Variants in JMY observed in about 807,000 individuals in gnomAD.
JMY encodes junction-mediating and -regulatory protein.
A neutral mutation model predicts 103.3 loss-of-function variants in JMY; 46 were observed. The ratio of observed to expected loss-of-function variants is 0.45; its 90% CI spans 0.35 to 0.57. JMY has a LOEUF of 0.57. Ranked by LOEUF, JMY falls within the 20% of genes least tolerant of loss-of-function variation. The pLI is 0.00. For missense variants in JMY, 1,238 were observed against 1,255.2 expected (o/e 0.99, Z 0.21); for synonymous variants, 526 against 489.3 (o/e 1.07, Z -0.99).
chr5:79,308,356 T>C (rs1746948877), intron 7 of JMY, among the ~76,000 whole-genome samples: 1 of 152,248 alleles, frequency 6.6e-6, no homozygotes, highest in South Asian at 2.1e-4. Context: ...TTGTGTTTTA[T>C]ATTTAAGTCT....
chr5:79,289,620 C>G (rs978382357), intron 2 of JMY, among the ~76,000 whole-genome samples: 2 of 152,120 alleles, frequency 1.3e-5, no homozygotes, highest in Non-Finnish European at 2.9e-5. Context: ...TGATTTTCAG[C>G]TATCTGAGCC....
chr5:79,242,375 C>T (rs1744766449), intron 1 of JMY, among the ~76,000 whole-genome samples: 1 of 152,140 alleles, frequency 6.6e-6, no homozygotes, highest in African/African-American at 2.4e-5. Context: ...TAACAAAGTG[C>T]CTGGCACTTA....
In JMY at chr5:79,279,200, A is replaced by G. The variant is rs139562072; in HGVS notation, c.1206+1117A>G. ...AATACAAAAATTAGCTGAGCATGGT[A>G]GTGCATGCCTGTAGTCCCAGCTACT... On this transcript the variant is annotated intron_variant, in intron 2 of 10. Coordinates refer to ENST00000396137, the MANE Select transcript of JMY (RefSeq NM_152405.5). Among the ~76,000 whole-genome samples, 824 of 152,184 alleles carry G rather than the reference A, an allele frequency of 5.4e-3. 10 individuals are homozygous for G. Among genetic ancestry groups the G allele is most frequent in the African/African-American group, 0.019 (808 of 41,536 alleles).
At chr5:79,293,841 A>G (rs1467584756) in intron 4 of JMY, among the ~76,000 whole-genome samples, 1 of 152,174 alleles carries the variant, frequency 6.6e-6, no homozygotes, top group Non-Finnish European at 1.5e-5. Context: ...TACTCTTTCA[A>G]TAGTATACTC....
intron 3 of JMY, 57 bp from the exon 4 acceptor site, chr5:79,291,073 A>T: frequency 8.3e-7 from 1 of 1,206,320 alleles, no homozygotes; most frequent in Non-Finnish European, 1.1e-6. Context: ...TCTTTTTCAA[A>T]TGCTTCAGTA....
intron 9 of JMY, 73 bp from the exon 10 acceptor site, chr5:79,315,927 G>A: frequency 7.5e-7 from 1 of 1,325,728 alleles, no homozygotes; most frequent in Non-Finnish European, 1.1e-6. Context: ...GTTGCGAACG[G>A]TAGAGGTTAT....
chr5:79,265,337 A>G (rs1022521942), intron 1 of JMY, among the ~76,000 whole-genome samples: 3 of 152,240 alleles, frequency 2.0e-5, no homozygotes, highest in Non-Finnish European at 4.4e-5. Flanking sequence ...ACTGATGGTT[A>G]ATATGGGGAT....
intron 1 of JMY, among the ~76,000 whole-genome samples, chr5:79,275,864 T>C (rs901713533): frequency 6.6e-6 from 1 of 152,220 alleles, no homozygotes; most frequent in Non-Finnish European, 1.5e-5. Flanking sequence ...ACAGTGCTGC[T>C]ACATGTTGTG....
intron 2 of JMY, chr5:79,284,146 G>A: frequency 1.3e-6 from 2 of 1,553,068 alleles, no homozygotes; most frequent in East Asian, 4.5e-5. Context: ...ACAGATTCTT[G>A]GACTGGTGGT....
intron 2 of JMY, among the ~76,000 whole-genome samples, chr5:79,282,113 G>A (rs189265512): frequency 4.4e-4 from 67 of 152,132 alleles, no homozygotes; most frequent in Middle Eastern, 6.8e-3. Flanking sequence ...AGGCTGAGGT[G>A]GGAGAATGAC....
At chr5:79,266,416 A>G (rs1460204280) in intron 1 of JMY, among the ~76,000 whole-genome samples, 1 of 152,168 alleles carries the variant, frequency 6.6e-6, no homozygotes. Flanking sequence ...TAAATCATGT[A>G]TTAATACTTG....
chr5:79,283,776 A>T (rs1326447324), intron 2 of JMY, among the ~76,000 whole-genome samples: 1 of 152,230 alleles, frequency 6.6e-6, no homozygotes, highest in Non-Finnish European at 1.5e-5. Context: ...GGTGATTATG[A>T]TACACACTTA....
intron 2 of JMY, among the ~76,000 whole-genome samples, chr5:79,281,026 TTTA>T (rs1293575646): frequency 3.3e-5 from 5 of 149,356 alleles, no homozygotes; most frequent in Admixed American, 3.3e-4. Context: ...AAGAAAATAA[TTTA>T]TTTTTATTTT....
intron 2 of JMY, among the ~76,000 whole-genome samples, chr5:79,282,304 T>G (rs530043774): frequency 2.0e-5 from 3 of 152,272 alleles, no homozygotes; most frequent in African/African-American, 7.2e-5. Flanking sequence ...TTAGGGGAAA[T>G]TGACAGGGAG....
intron 1 of JMY, among the ~76,000 whole-genome samples, chr5:79,276,306 G>A (rs1260005284): frequency 5.3e-5 from 8 of 151,786 alleles, no homozygotes; most frequent in Non-Finnish European, 1.2e-4. Context: ...TTTAGTAGAG[G>A]TGGGGTTTCA....
intron 6 of JMY, 50 bp downstream of exon 6, chr5:79,300,913 C>A: frequency 7.0e-7 from 1 of 1,419,690 alleles, no homozygotes; most frequent in Non-Finnish European, 9.5e-7. Context: ...TCCGTATCTA[C>A]TAATCTCATC....
chr5:79,315,945 CATTCTA>C (rs1263379223), intron 9 of JMY, 49 bp from the exon 10 acceptor site: 111 of 1,469,338 alleles, frequency 7.6e-5, no homozygotes, highest in Non-Finnish European at 9.1e-5. Context: ...TATACAGTTT[CATTCTA>C]ATTAAGTGCA....
intron 4 of JMY, among the ~76,000 whole-genome samples, chr5:79,294,071 A>G (rs533369874): frequency 3.3e-5 from 5 of 152,330 alleles, no homozygotes; most frequent in East Asian, 1.9e-4. Flanking sequence ...GAGATTTTCT[A>G]TATAGTTATT....
At chr5:79,301,347 G>C (rs927531080) in intron 6 of JMY, among the ~76,000 whole-genome samples, 2 of 152,208 alleles carry the variant, frequency 1.3e-5, no homozygotes, top group African/African-American at 4.8e-5. Flanking sequence ...TCGTGGAGCT[G>C]TTTCTAGTCA....
Sources: allele counts gnomAD v4.1 joint callset (sites outside exome capture counted in the v4.1 genomes callset), GRCh38; gene constraint gnomAD v4.1.1; transcripts MANE v1.5; gene names NCBI Gene and HGNC (gene_info 2026-07-23, HGNC 2026-07-21).